Variants in SALL4 observed in about 807,000 individuals in gnomAD.
The protein encoded by SALL4 is spalt like transcription factor 4.
In SALL4, 4 loss-of-function variants were observed where a neutral mutation model predicts 60.8. The ratio of observed to expected loss-of-function variants is 0.07; its 90% confidence interval spans 0.03 to 0.15. SALL4 has a LOEUF of 0.15. Ranked by LOEUF, SALL4 falls within the 10% of genes least tolerant of loss-of-function variation. The pLI is 1.00. For missense variants in SALL4, 1,178 were observed against 1,394.7 expected, an observed-to-expected ratio of 0.84 and a Z score of 2.48; for synonymous variants, 580 against 574.9, an observed-to-expected ratio of 1.01 and a Z score of -0.13.
At position 51,790,068 on chromosome 20, in the gene SALL4, A is replaced by C. The variant is rs1450563405; in HGVS notation, c.2415T>G (p.Ala805=). ...TCTCGGAGCTCTCTGCTTTGCTCCC[A>C]GCATCGGGAGACTTTGACTTGATGC... The part of the protein sequence containing the change: ...AESIKSKSPD[A]GSKAESSENS... The change falls in exon 2 of 4, where the codon GCT becomes GCG. Residue 805 remains alanine (A), a synonymous_variant. Coordinates refer to ENST00000217086, the MANE Select transcript of SALL4 (RefSeq NM_020436.5). The surrounding 1 kb of genome is among the most constrained non-coding windows in gnomAD (Gnocchi z 5.5). 1.2e-6 allele frequency: 2 copies of C among 1,614,182 alleles called. No homozygotes were observed.
rs759734415 is a variant in SALL4 at position 51,790,715 on chromosome 20, C to T, written c.1768G>A (p.Gly590Arg). The change falls in exon 2 of 4, where the codon GGG (glycine) becomes AGG (arginine). Residue 590 changes from glycine (G) to arginine (R), a missense_variant. Gly to Arg is a moderately radical substitution (Grantham distance 125, BLOSUM62 -2). This residue lies in a region of SALL4 where 853 missense variants were observed against 1,036.8 expected (regional missense o/e 0.82). Transcript: ENST00000217086. The surrounding 1 kb of genome is among the most constrained non-coding windows in gnomAD (Gnocchi z 5.5). ...SLKMHYRTHT[G>R]ERPFQCKICG... The stretch of plus-strand genomic sequence containing the variant: ...ATCTTACACTGGAACGGTCTCTCCC[C>T]GGTGTGGGTGCGATAATGCATCTTG... The T allele has an allele frequency of 8.1e-6, 13 of 1,613,978 alleles. No homozygotes were observed. Among genetic ancestry groups the T allele is most frequent in the East Asian group, 4.5e-5 (2 of 44,870 alleles).
At chr20:51,787,266 A>G (rs1367707414) in intron 3 of SALL4, among the ~76,000 whole-genome samples, 1 of 151,854 alleles carries the variant, frequency 6.6e-6, no homozygotes, top group Non-Finnish European at 1.5e-5. Context: ...TACTAAAAAT[A>G]TACAAAAATT....
Position 51,792,264 on chromosome 20 carries a change from G to A in SALL4, c.219C>T (p.Val73=). Residue 73 remains valine (V), a synonymous_variant, in exon 2 of 4, where the codon GTC becomes GTT. Transcript: ENST00000217086. ...AGAACTCCGCACAGCATTTCTCACA[G>A]ACGTGCGTCTCCTCCCGACGAAGCC... is the stretch of plus-strand genomic sequence containing the variant. ...VKRLRREETH[V]CEKCCAEFFS... The A allele has an allele frequency of 1.2e-6, 2 of 1,613,426 alleles. No homozygotes were observed. Among genetic ancestry groups the A allele is most frequent in the Non-Finnish European group, 1.7e-6 (2 of 1,180,026 alleles).
rs6126344 is a variant in SALL4, at chr20:51,790,963, A to T, written c.1520T>A (p.Leu507Gln). The change falls in exon 2 of 4, where the codon CTG (leucine) becomes CAG (glutamine). Residue 507 changes from leucine (L) to glutamine (Q), a missense_variant. Physicochemically the swap from Leu to Gln is moderately radical, Grantham distance 113. Around this residue, in one of 5 missense-constraint regions of SALL4, gnomAD observed 853 missense variants for 1,036.8 expected, o/e 0.82. Transcript: ENST00000217086. The surrounding 1 kb of genome is among the most constrained non-coding windows in gnomAD (Gnocchi z 5.5). ...ACTTTCTGGAGAAGGCCCAGGCTGC[A>T]GGTCACCGGGCAAGGAGCCACCCGT... ...DLTGGSLPGD[L>Q]QPGPSPESEG... The T allele has an allele frequency of 5.6e-6, 9 of 1,613,958 alleles. No homozygotes were observed. The highest frequency in any genetic ancestry group is 3.3e-5 in the South Asian group (3 of 91,080).
Position 51,792,311 on chromosome 20 carries a change from C to T in SALL4, c.172G>A (p.Glu58Lys), listed in dbSNP as rs2078052131. 1.2e-6 allele frequency: 2 copies of T among 1,607,854 alleles called. No homozygotes were observed. The highest frequency in any genetic ancestry group is 1.1e-5 in the South Asian group (1 of 91,088). ...NHPGNDEVASEDEATVKRLRR... is the reference protein window; with the variant it reads ...NHPGNDEVASKDEATVKRLRR... ...AGCCGCTTTACTGTGGCTTCATCCT[C>T]ACTCGCCACCTCGTCATTCCCTGGG... The change falls in exon 2 of 4, where the codon GAG becomes AAG. Residue 58 changes from glutamate (E) to lysine (K), a missense_variant. By Grantham distance (56) the Glu-to-Lys change is moderately conservative. This residue lies in a region of SALL4 where 108 missense variants were observed against 95.7 expected (regional missense o/e 1.13). Coordinates refer to ENST00000217086, the MANE Select transcript of SALL4 (RefSeq NM_020436.5).
At chr20:51,802,075 G>T (rs2078113638) in intron 1 of SALL4, among the ~76,000 whole-genome samples, 1 of 151,948 alleles carries the variant, frequency 6.6e-6, no homozygotes, top group African/African-American at 2.4e-5. Context: ...ACACAAGAGG[G>T]GAGAAGAGGA....
intron 1 of SALL4, among the ~76,000 whole-genome samples, chr20:51,799,418 A>G (rs1025396542): frequency 6.6e-6 from 1 of 152,226 alleles, no homozygotes; most frequent in African/African-American, 2.4e-5. Flanking sequence ...CATTTTAAAA[A>G]AGGAAATGCT....
chr20:51,795,580 A>G (rs1248928408), intron 1 of SALL4, among the ~76,000 whole-genome samples: 2 of 152,190 alleles, frequency 1.3e-5, no homozygotes, highest in East Asian at 1.9e-4. Flanking sequence ...TAGAAAAGCA[A>G]TTTTGACAAT....
intron 1 of SALL4, among the ~76,000 whole-genome samples, chr20:51,799,550 G>T (rs1169265403): frequency 6.6e-6 from 1 of 152,206 alleles, no homozygotes; most frequent in Non-Finnish European, 1.5e-5. Flanking sequence ...TCAACAAAAG[G>T]AGCTGTTTGG....
intron 3 of SALL4, among the ~76,000 whole-genome samples, chr20:51,787,498 C>G (rs2078001561): frequency 6.6e-6 from 1 of 152,082 alleles, no homozygotes; most frequent in African/African-American, 2.4e-5. Context: ...ATGTATCTGG[C>G]TGGGAAAGCT....
Position 51,788,718 on chromosome 20 carries a change from A to G in SALL4, c.2742+143T>C. On this transcript the variant is annotated intron_variant, in intron 3 of 3. Transcript: ENST00000217086. This position sits in a 1 kb window ranked among gnomAD's most constrained non-coding sequence, Gnocchi z 4.1. ...GTCTCAAAAATAAATAAATAAATAAACAAACTCCTGGACTCAAGCAATCCT... is the reference window on the plus strand; with the variant it reads ...GTCTCAAAAATAAATAAATAAATAAGCAAACTCCTGGACTCAAGCAATCCT... 1.0e-6 allele frequency: 1 copy of G among 997,398 alleles called. No individual in the cohort carries two copies. Among genetic ancestry groups the G allele is most frequent in the Non-Finnish European group, 1.5e-6 (1 of 657,804 alleles). 61.8% of individuals were successfully genotyped at this position (997,398 alleles called of 1,614,324 possible). A position where few individuals can be genotyped will look rare whatever the true frequency, so the allele number is the denominator to read the frequency against.
intron 1 of SALL4, among the ~76,000 whole-genome samples, chr20:51,796,851 A>G (rs1339291624): frequency 6.6e-6 from 1 of 152,084 alleles, no homozygotes. Context: ...CTCCCCACTT[A>G]TAAAGTTCTA....
intron 2 of SALL4, among the ~76,000 whole-genome samples, chr20:51,789,662 T>C (rs572658000): frequency 1.6e-4 from 24 of 152,118 alleles, no homozygotes; most frequent in South Asian, 2.1e-4. Flanking sequence ...TCCTCAAACA[T>C]ACTCTTAAGA....
chr20:51,785,941 CT>C lies in SALL4; in HGVS notation c.2743-1258del, dbSNP rs73625468. On this transcript the variant is annotated intron_variant, in intron 3 of 3. Transcript: ENST00000217086. ...ACAGGCGTGAGCCACCACGTCCGGCCTTTTTTTTGAGTCTTAATCTGTCACC... is the reference window on the plus strand; with the variant it reads ...ACAGGCGTGAGCCACCACGTCCGGCCTTTTTTTGAGTCTTAATCTGTCACC... Among the ~76,000 whole-genome samples, 33 of 149,402 alleles carry C rather than the reference CT, an allele frequency of 2.2e-4. No individual in the cohort carries two copies. In the East Asian group the frequency reaches 6.2e-3, roughly 28 times the overall value.
intron 1 of SALL4, among the ~76,000 whole-genome samples, chr20:51,794,860 C>T (rs750520998): frequency 1.5e-4 from 23 of 152,054 alleles, no homozygotes; most frequent in Non-Finnish European, 3.1e-4. Flanking sequence ...CTATTGGAAC[C>T]CTTCATTTGT....
chr20:51,798,416 C>A (rs534777981), intron 1 of SALL4, among the ~76,000 whole-genome samples: 54 of 150,886 alleles, frequency 3.6e-4, no homozygotes, highest in African/African-American at 1.2e-3. Context: ...GTCTCCAGAG[C>A]CCCCCTGAAC....
chr20:51,788,049 C>T lies in SALL4; in HGVS notation c.2742+812G>A, dbSNP rs1165475987. Reference sequence around the variant, plus strand: ...ATGTTACCCAGGCTGGTCTCAAACTCCTGGGCTCAAGCAATCCACCTGCCT... The same window carrying T: ...ATGTTACCCAGGCTGGTCTCAAACTTCTGGGCTCAAGCAATCCACCTGCCT... On this transcript the variant is annotated intron_variant, in intron 3 of 3. Coordinates refer to ENST00000217086, the MANE Select transcript of SALL4 (RefSeq NM_020436.5). The surrounding 1 kb of genome is among the most constrained non-coding windows in gnomAD (Gnocchi z 4.1). Among the ~76,000 whole-genome samples the T allele has an allele frequency of 6.6e-6, 1 of 152,108 alleles. No individual in the cohort carries two copies. Among genetic ancestry groups the T allele is most frequent in the Non-Finnish European group, 1.5e-5 (1 of 68,026 alleles).
In SALL4 at chr20:51,784,173, A is replaced by C; in HGVS notation, c.*92T>G. On this transcript the variant is annotated 3_prime_UTR_variant, in exon 4 of 4. Coordinates refer to ENST00000217086, the MANE Select transcript of SALL4 (RefSeq NM_020436.5). Reference sequence around the variant, plus strand: ...AACATCATTTGCATATCAGTAAGAAAAAGAAAACAGGAGGAGATGAGTTCT... The same window carrying C: ...AACATCATTTGCATATCAGTAAGAACAAGAAAACAGGAGGAGATGAGTTCT... 1 of 1,479,262 alleles carries C rather than the reference A, an allele frequency of 6.8e-7. No individual in the cohort carries two copies. Among genetic ancestry groups the C allele is most frequent in the East Asian group, 2.3e-5 (1 of 44,238 alleles). 91.6% of individuals were successfully genotyped at this position (1,479,262 alleles called of 1,614,324 possible).
chr20:51,784,738 G>A (rs1455366137), intron 3 of SALL4, 54 bp from the exon 4 acceptor site: 4 of 1,595,770 alleles, frequency 2.5e-6, no homozygotes, highest in African/African-American at 1.3e-5. Flanking sequence ...GAAGCTCACT[G>A]GCAAGCCAAG....
Sources: allele counts gnomAD v4.1 joint callset (sites outside exome capture counted in the v4.1 genomes callset), GRCh38; gene constraint gnomAD v4.1.1; regional missense constraint gnomAD v4.1.1; non-coding constraint Gnocchi (gnomAD v3.1); transcripts MANE v1.5; gene names NCBI Gene and HGNC (gene_info 2026-07-23, HGNC 2026-07-21).